The following MKLN1 variants were observed in gnomAD, a reference collection of about 807,000 sequenced individuals.
MKLN1 encodes the protein muskelin.
In MKLN1, 18 loss-of-function variants were observed where a neutral mutation model predicts 99.0. The observed-to-expected ratio is 0.18, with a 90% CI of 0.13 to 0.27. The LOEUF (loss-of-function observed/expected upper bound fraction) is 0.27, where lower values mean the gene tolerates loss of function less well. Among genes scored for constraint, MKLN1 ranks in the 10% least tolerant of loss-of-function variants. MKLN1 has a pLI of 1.00. For missense variants in MKLN1, 621 were observed against 875.9 expected, an observed-to-expected ratio of 0.71 and a Z score of 3.67; for synonymous variants, 288 against 293.2, an observed-to-expected ratio of 0.98 and a Z score of 0.18.
chr7:131,375,854 A>G (rs1793630643), intron 2 of MKLN1, among the ~76,000 whole-genome samples: 1 of 149,770 alleles, frequency 6.7e-6, no homozygotes. Flanking sequence ...ATTATACTTA[A>G]TATTAAAATA....
intron 3 of MKLN1, among the ~76,000 whole-genome samples, chr7:131,253,399 C>T (rs1797611163): frequency 1.3e-5 from 2 of 152,184 alleles, no homozygotes; most frequent in South Asian, 4.1e-4. Context: ...GAGGCTAAGT[C>T]CTAGGCAAGT....
intron 1 of MKLN1, among the ~76,000 whole-genome samples, chr7:131,368,781 A>G (rs1232104492): frequency 6.6e-6 from 1 of 152,114 alleles, no homozygotes; most frequent in Non-Finnish European, 1.5e-5. Context: ...AAATGCAGAA[A>G]GTTTGCTGTC....
intron 15 of MKLN1, 69 bp from the exon 16 acceptor site, chr7:131,470,773 C>T (rs1796797216): frequency 2.0e-6 from 2 of 1,007,312 alleles, no homozygotes; most frequent in Non-Finnish European, 3.1e-6. Context: ...GTATTTTATT[C>T]CAGGTCTGAA....
At chr7:131,252,100 C>T (rs949796971) in intron 3 of MKLN1, among the ~76,000 whole-genome samples, 1 of 152,026 alleles carries the variant, frequency 6.6e-6, no homozygotes, top group African/African-American at 2.4e-5. Context: ...TCCTATTCCC[C>T]TTTTTTCACA....
rs111468143 is a variant in MKLN1 at position 131,395,724 on chromosome 7, A to C, written c.401-1543A>C. On this transcript the variant is annotated intron_variant, in intron 4 of 17. Transcript: ENST00000352689. The stretch of plus-strand genomic sequence containing the variant: ...AAAATAACTAGTGTTGTTATTAAAA[A>C]AAAAAGTAGTTTTGACTACGTGGGA... 3.1e-3 allele frequency among the ~76,000 whole-genome samples: 471 copies of C among 151,834 alleles called. 3 individuals are homozygous for C. The highest frequency in any genetic ancestry group is 0.011 in the African/African-American group (449 of 41,338).
At chr7:131,134,256 T>C (rs1471640806) in intron 1 of MKLN1, among the ~76,000 whole-genome samples, 1 of 152,190 alleles carries the variant, frequency 6.6e-6, no homozygotes, top group Admixed American at 6.5e-5. Context: ...CATGTCTCTT[T>C]CCTTGCAGAC....
rs1460063910 is a variant in MKLN1 at position 131,309,138 on chromosome 7, C to G, written c.-178-66286C>G. Among the ~76,000 whole-genome samples, 3 of 152,138 alleles carry G rather than the reference C, an allele frequency of 2.0e-5. No individual in the cohort carries two copies. The East Asian group carries it at 5.8e-4, about 29-fold the overall frequency. On this transcript the variant is annotated intron_variant, in intron 3 of 7. Transcript: ENST00000416992. The stretch of plus-strand genomic sequence containing the variant: ...TTTCCCTGTGTATCTTACAATAAAC[C>G]CCATCACTTAAAATCATGTCCTGTA...
intron 3 of MKLN1, among the ~76,000 whole-genome samples, chr7:131,256,400 T>A (rs1273572558): frequency 2.6e-5 from 4 of 152,222 alleles, no homozygotes; most frequent in Non-Finnish European, 5.9e-5. Context: ...GACTAGTAAA[T>A]GTAATTACAT....
At chr7:131,184,166 A>G (rs2116365888) in intron 2 of MKLN1, among the ~76,000 whole-genome samples, 1 of 152,090 alleles carries the variant, frequency 6.6e-6, no homozygotes, top group East Asian at 1.9e-4. Context: ...GGGTCTCACT[A>G]TGTGACTATT....
chr7:131,408,958 A>G (rs1036571511), intron 6 of MKLN1, among the ~76,000 whole-genome samples: 5 of 152,176 alleles, frequency 3.3e-5, no homozygotes, highest in Admixed American at 2.0e-4. Flanking sequence ...TCCTAGTGAT[A>G]TTTTAATTTC....
At chr7:131,407,222 TTTGGTTGTCTTGCCA>T (rs1794733420) in intron 6 of MKLN1, among the ~76,000 whole-genome samples, 1 of 152,100 alleles carries the variant, frequency 6.6e-6, no homozygotes, top group African/African-American at 2.4e-5. Context: ...TTTTGTTTCC[TTTGGTTGTCTTGCCA>T]TTTCTTTTCC....
chr7:131,374,650 CT>C (rs1398198523), intron 1 of MKLN1, among the ~76,000 whole-genome samples: 1 of 152,032 alleles, frequency 6.6e-6, no homozygotes, highest in Non-Finnish European at 1.5e-5. Context: ...CTCTGCTTGC[CT>C]TTAGCCTTAC....
intron 3 of MKLN1, among the ~76,000 whole-genome samples, chr7:131,257,981 C>T (rs993442432): frequency 1.3e-5 from 2 of 151,762 alleles, no homozygotes; most frequent in African/African-American, 2.4e-5. Flanking sequence ...ATCAGCTGGG[C>T]GTGGTGGAGT....
chr7:131,184,465 T>C (rs1177918415), intron 2 of MKLN1, among the ~76,000 whole-genome samples: 4 of 152,136 alleles, frequency 2.6e-5, no homozygotes, highest in African/African-American at 9.7e-5. Flanking sequence ...CCCTGCTGAG[T>C]GGCATGTTGC....
chr7:131,491,511 G>A lies in MKLN1; in HGVS notation c.*3783G>A, dbSNP rs1231951193. 6.6e-6 allele frequency: 1 copy of A among 152,074 alleles called. No individual in the cohort carries two copies. The highest frequency in any genetic ancestry group is 2.4e-5 in the African/African-American group (1 of 41,414). The allele number at this position is 152,074 out of a possible 1,614,324, so 9.4% of individuals were successfully genotyped here. On this transcript the variant is annotated 3_prime_UTR_variant, in exon 18 of 18. Coordinates refer to ENST00000352689, the MANE Select transcript of MKLN1 (RefSeq NM_013255.5). The stretch of plus-strand genomic sequence containing the variant: ...CTATTCTTTTGTGGTTCTAGACCCT[G>A]GCTTCTATCTCCCTGTGATTTGTTT...
chr7:131,363,756 T>TG (rs987226385), intron 1 of MKLN1, among the ~76,000 whole-genome samples: 1 of 150,610 alleles, frequency 6.6e-6, no homozygotes, highest in Non-Finnish European at 1.5e-5. Flanking sequence ...GTACCATCCC[T>TG]GGGAAAAAAA....
chr7:131,280,919 G>A (rs1798041089), intron 3 of MKLN1, among the ~76,000 whole-genome samples: 1 of 152,050 alleles, frequency 6.6e-6, no homozygotes, highest in Admixed American at 6.6e-5. Flanking sequence ...AGTAGTAGTA[G>A]GGTTTTAAAA....
chr7:131,394,551 C>G (rs1311471156), intron 4 of MKLN1, among the ~76,000 whole-genome samples: 2 of 152,030 alleles, frequency 1.3e-5, no homozygotes, highest in African/African-American at 4.8e-5. Context: ...CAGTAATGCT[C>G]CCTTAACACA....
chr7:131,485,076 A>G (rs767157818), intron 17 of MKLN1, among the ~76,000 whole-genome samples: 3 of 152,114 alleles, frequency 2.0e-5, no homozygotes, highest in Non-Finnish European at 2.9e-5. Context: ...AATAATAGTC[A>G]CAGCTAAAAG....
Sources: allele counts gnomAD v4.1 joint callset (sites outside exome capture counted in the v4.1 genomes callset), GRCh38; gene constraint gnomAD v4.1.1; transcripts MANE v1.5; gene names NCBI Gene and HGNC (gene_info 2026-07-23, HGNC 2026-07-21).